VSTM4: variants seen among roughly 807,000 people sequenced by gnomAD.
VSTM4 encodes the protein V-set and transmembrane domain containing 4.
VSTM4 carries 20 observed loss-of-function variants against 36.4 expected under a neutral mutation model. That is an observed-to-expected ratio of 0.55 (90% CI 0.39 to 0.80). The LOEUF is 0.80. Among genes scored for constraint, VSTM4 ranks in the 30% least tolerant of loss-of-function variants. The pLI, the probability that VSTM4 is intolerant of heterozygous loss-of-function variation, is 0.00. For missense variants in VSTM4, 392 were observed against 404.5 expected (o/e 0.97, Z 0.26); for synonymous variants, 182 against 173.9 (o/e 1.05, Z -0.37).
intron 5 of VSTM4, among the ~76,000 whole-genome samples, chr10:49,052,805 A>G (rs1440959413): frequency 6.6e-6 from 1 of 152,176 alleles, no homozygotes; most frequent in Non-Finnish European, 1.5e-5. Context: ...TTATAACATT[A>G]TGTTCAGGGA....
chr10:49,062,110 A>G (rs1224569905), intron 5 of VSTM4, among the ~76,000 whole-genome samples: 1 of 152,178 alleles, frequency 6.6e-6, no homozygotes, highest in Non-Finnish European at 1.5e-5. Flanking sequence ...CTTTGACAGG[A>G]CTTTTGACTT....
At chr10:49,042,464 A>C (rs1843536297) in intron 7 of VSTM4, among the ~76,000 whole-genome samples, 2 of 152,256 alleles carry the variant, frequency 1.3e-5, no homozygotes, top group South Asian at 4.1e-4. Flanking sequence ...AGGCTGAGCC[A>C]CACAGGCATT....
At chr10:49,086,622 T>C (rs1319185830) in intron 2 of VSTM4, among the ~76,000 whole-genome samples, 1 of 152,240 alleles carries the variant, frequency 6.6e-6, no homozygotes, top group Non-Finnish European at 1.5e-5. Flanking sequence ...TAAAGGAGTC[T>C]GGGCCCACGG....
intron 3 of VSTM4, among the ~76,000 whole-genome samples, chr10:49,085,493 C>A (rs1268543491): frequency 1.3e-5 from 2 of 152,216 alleles, no homozygotes; most frequent in Admixed American, 1.3e-4. Flanking sequence ...TTTTATATCA[C>A]TTGAAGATTC....
At chr10:49,076,513 G>A (rs1166082274) in intron 4 of VSTM4, among the ~76,000 whole-genome samples, 2 of 152,190 alleles carry the variant, frequency 1.3e-5, no homozygotes, top group Non-Finnish European at 2.9e-5. Context: ...AGCTGTTTTG[G>A]AGATTCTGAA....
At chr10:49,104,830 CAG>C (rs144023297) in intron 2 of VSTM4, among the ~76,000 whole-genome samples, 20,702 of 146,586 alleles carry the variant, frequency 0.14, 1,917 homozygotes, top group Non-Finnish European at 0.22. Flanking sequence ...GAGAGAGACA[CAG>C]AGAGAGAGAG....
At chr10:49,085,282 T>C (rs1463003214) in intron 3 of VSTM4, among the ~76,000 whole-genome samples, 2 of 152,252 alleles carry the variant, frequency 1.3e-5, no homozygotes, top group East Asian at 3.8e-4. Flanking sequence ...CATGCTGCAA[T>C]CATCTGGGGA....
chr10:49,046,836 G>A, intron 7 of VSTM4, 147 bp downstream of exon 7: 1 of 767,204 alleles, frequency 1.3e-6, no homozygotes. Context: ...CTCAAAAGCT[G>A]GCATCTGAGA....
intron 2 of VSTM4, among the ~76,000 whole-genome samples, chr10:49,091,104 G>T (rs985346465): frequency 2.0e-5 from 3 of 152,234 alleles, no homozygotes; most frequent in Admixed American, 6.5e-5. Flanking sequence ...AGCTGTTATC[G>T]GAACTAAAGT....
intron 7 of VSTM4, among the ~76,000 whole-genome samples, chr10:49,030,856 C>G (rs1279841713): frequency 1.3e-5 from 2 of 152,182 alleles, no homozygotes; most frequent in Admixed American, 1.3e-4. Flanking sequence ...CAGACAGATG[C>G]CTGTCAATGT....
At chr10:49,102,195 TGGCGG>T in intron 2 of VSTM4, 2 of 128,432 alleles carry the variant, frequency 1.6e-5, no homozygotes, top group Non-Finnish European at 3.1e-5. Context: ...TGGAGTGCAG[TGGCGG>T]GATCTTGGCT....
chr10:49,078,898 C>A (rs1844228360), intron 3 of VSTM4, among the ~76,000 whole-genome samples: 1 of 152,210 alleles, frequency 6.6e-6, no homozygotes, highest in Non-Finnish European at 1.5e-5. Context: ...GTGGCATAAT[C>A]TTGGCTCACT....
chr10:49,090,497 G>A (rs2051661353), intron 2 of VSTM4, among the ~76,000 whole-genome samples: 1 of 152,166 alleles, frequency 6.6e-6, no homozygotes, highest in African/African-American at 2.4e-5. Context: ...GGGTCCTGAT[G>A]GTGGACTCTG....
Position 49,107,891 on chromosome 10 carries a change from T to G in VSTM4, c.160A>C (p.Lys54Gln), listed in dbSNP as rs763190475. The stretch of plus-strand genomic sequence containing the variant: ...CAGCGCACGGCCAGCAAGCTGTCCT[T>G]CCGCCTTTTCTGGGAGACGTGGCAG... Reference protein sequence around the residue: ...LLCHVSQKRRKDSLLAVRWFF... With the variant: ...LLCHVSQKRRQDSLLAVRWFF... Residue 54 changes from lysine to glutamine, a missense_variant, in exon 2 of 8, where the codon AAG (lysine) becomes CAG (glutamine). Lys to Gln is a moderately conservative substitution (Grantham distance 53). Transcript: ENST00000332853. 16 of 1,614,036 alleles carry G rather than the reference T, an allele frequency of 9.9e-6. No homozygotes were observed. Among genetic ancestry groups the G allele is most frequent in the Non-Finnish European group, 7.6e-6 (9 of 1,180,010 alleles).
chr10:49,070,093 A>C lies in VSTM4; in HGVS notation c.635-5357T>G, dbSNP rs1476364341. On this transcript the variant is annotated intron_variant, in intron 4 of 7. Coordinates refer to ENST00000332853, the MANE Select transcript of VSTM4 (RefSeq NM_001031746.5). ...CGGTGAAACCCCGTCTCTACTAAAA[A>C]TACAAAAAAATCAGCCGGGCGTAGT... 3.5e-5 allele frequency among the ~76,000 whole-genome samples: 4 copies of C among 114,950 alleles called. 1 individual carries two copies. In the Admixed American group the frequency reaches 3.5e-4, roughly 10 times the overall value. The allele number at this position is 114,950 out of a possible 152,430, so 75.4% of individuals were successfully genotyped here.
intron 5 of VSTM4, among the ~76,000 whole-genome samples, chr10:49,049,888 C>A (rs1345393518): frequency 6.6e-6 from 1 of 152,096 alleles, no homozygotes; most frequent in Admixed American, 6.5e-5. Flanking sequence ...AGAATGATTT[C>A]GTAACATCTA....
chr10:49,058,914 G>T (rs1363905920), intron 5 of VSTM4, among the ~76,000 whole-genome samples: 1 of 152,200 alleles, frequency 6.6e-6, no homozygotes, highest in Non-Finnish European at 1.5e-5. Context: ...CTTGATCACA[G>T]CTTAAGACCC....
At chr10:49,091,687 C>G (rs901249614) in intron 2 of VSTM4, among the ~76,000 whole-genome samples, 1 of 152,152 alleles carries the variant, frequency 6.6e-6, no homozygotes, top group Non-Finnish European at 1.5e-5. Context: ...CTGGTTCTTT[C>G]GGGGTCCCCC....
intron 7 of VSTM4, among the ~76,000 whole-genome samples, chr10:49,026,806 A>G (rs923102712): frequency 1.3e-5 from 2 of 152,166 alleles, no homozygotes; most frequent in African/African-American, 2.4e-5. Context: ...TTCTCTAGCA[A>G]TGAAGGCCAC....
Sources: gnomAD v4.1 joint callset for allele counts (sites outside exome capture counted in the v4.1 genomes callset) on GRCh38, gnomAD v4.1.1 for gene constraint, MANE v1.5 for transcripts, NCBI Gene and HGNC (gene_info 2026-07-23, HGNC 2026-07-21) for gene names.